Variants in CACNA2D1 observed in about 807,000 individuals in gnomAD.
The protein encoded by CACNA2D1 is voltage-dependent calcium channel subunit alpha-2/delta-1.
CACNA2D1 carries 53 observed loss-of-function variants against 171.5 expected under a neutral mutation model. The observed-to-expected ratio is 0.31, with a 90% CI of 0.25 to 0.39. The LOEUF is 0.39. Among genes scored for constraint, CACNA2D1 ranks in the 10% least tolerant of loss-of-function variants. CACNA2D1 has a pLI of 1.00. For synonymous variants in CACNA2D1, 442 were observed against 443.1 expected (o/e 1.00, Z 0.03); for missense variants, 903 against 1,299.8 (o/e 0.69, Z 4.69).
intron 1 of CACNA2D1, among the ~76,000 whole-genome samples, chr7:82,402,872 A>C (rs1375306328): frequency 8.5e-5 from 13 of 152,060 alleles, no homozygotes. Context: ...TGTGGAGAAC[A>C]GATCATTGGG....
chr7:82,144,018 G>A (rs1294711350), intron 4 of CACNA2D1, among the ~76,000 whole-genome samples: 3 of 151,998 alleles, frequency 2.0e-5, no homozygotes, highest in African/African-American at 7.2e-5. Context: ...CTTATCTGAT[G>A]ACACAAATTA....
At chr7:82,440,805 T>G (rs1464861760) in intron 1 of CACNA2D1, among the ~76,000 whole-genome samples, 1 of 151,816 alleles carries the variant, frequency 6.6e-6, no homozygotes, top group East Asian at 1.9e-4. Context: ...CACACAAATG[T>G]AAACACTCTA....
At chr7:82,308,983 T>C (rs1814078399) in intron 3 of CACNA2D1, among the ~76,000 whole-genome samples, 2 of 152,176 alleles carry the variant, frequency 1.3e-5, no homozygotes, top group African/African-American at 4.8e-5. Context: ...AGTTGGCAAA[T>C]GAGAATTTCA....
At chr7:82,411,536 A>T (rs1827660938) in intron 1 of CACNA2D1, among the ~76,000 whole-genome samples, 1 of 152,182 alleles carries the variant, frequency 6.6e-6, no homozygotes, top group African/African-American at 2.4e-5. Context: ...TGATGATTCA[A>T]AAGATAAAGA....
intron 3 of CACNA2D1, among the ~76,000 whole-genome samples, chr7:82,190,705 T>C (rs912146439): frequency 2.6e-5 from 4 of 151,580 alleles, no homozygotes. Flanking sequence ...TATCCTTAAA[T>C]CCATCACCAT....
intron 4 of CACNA2D1, among the ~76,000 whole-genome samples, chr7:82,137,054 T>C (rs1257828408): frequency 6.6e-6 from 1 of 152,346 alleles, no homozygotes; most frequent in East Asian, 1.9e-4. Flanking sequence ...GTTGAAGCCA[T>C]GATTTTTATA....
At chr7:82,365,401 T>C (rs191536255) in intron 1 of CACNA2D1, among the ~76,000 whole-genome samples, 1 of 152,256 alleles carries the variant, frequency 6.6e-6, no homozygotes, top group Non-Finnish European at 1.5e-5. Context: ...TTATTTTACA[T>C]GGAACTGTGA....
chr7:82,424,346 T>A (rs1487064627), intron 1 of CACNA2D1, among the ~76,000 whole-genome samples: 1 of 152,176 alleles, frequency 6.6e-6, no homozygotes, highest in African/African-American at 2.4e-5. Context: ...AAAAAGCACG[T>A]CATCGTTATT....
At chr7:82,387,556 T>C (rs925903606) in intron 1 of CACNA2D1, among the ~76,000 whole-genome samples, 1 of 152,116 alleles carries the variant, frequency 6.6e-6, no homozygotes, top group Non-Finnish European at 1.5e-5. Flanking sequence ...ATTTTATTTA[T>C]GAAGTTATAA....
intron 3 of CACNA2D1, among the ~76,000 whole-genome samples, chr7:82,211,455 C>A (rs1800542051): frequency 6.6e-6 from 1 of 152,142 alleles, no homozygotes; most frequent in African/African-American, 2.4e-5. Flanking sequence ...TGAGAACATG[C>A]AGCATTTGGT....
At position 81,978,143 on chromosome 7, in the gene CACNA2D1, T is replaced by C. The variant is rs191495762; in HGVS notation, c.1956-3591A>G. Among the ~76,000 whole-genome samples, 38 of 151,868 alleles carry C rather than the reference T, an allele frequency of 2.5e-4. 1 individual carries two copies. The highest frequency in any genetic ancestry group is 9.0e-4 in the African/African-American group (37 of 41,314). On this transcript the variant is annotated intron_variant, in intron 24 of 38. Coordinates refer to ENST00000356860, the MANE Select transcript of CACNA2D1 (RefSeq NM_000722.4). ...AATGCTTTTACACTGTTGGTGGGAGTGTAAATTGGTTCAACCATTGTGGAA... is the reference window on the plus strand; with the variant it reads ...AATGCTTTTACACTGTTGGTGGGAGCGTAAATTGGTTCAACCATTGTGGAA...
At chr7:82,258,906 C>A (rs979766056) in intron 3 of CACNA2D1, among the ~76,000 whole-genome samples, 5 of 147,248 alleles carry the variant, frequency 3.4e-5, no homozygotes, top group East Asian at 2.0e-4. Flanking sequence ...CAGCTCCCTG[C>A]AACCTCCGCC....
chr7:81,987,032 A>G (rs1476218378), intron 21 of CACNA2D1, among the ~76,000 whole-genome samples: 1 of 152,214 alleles, frequency 6.6e-6, no homozygotes, highest in Non-Finnish European at 1.5e-5. Context: ...AGCTTGGGTT[A>G]CATCTAATAT....
At chr7:82,438,864 C>A (rs996817583) in intron 1 of CACNA2D1, among the ~76,000 whole-genome samples, 55 of 152,174 alleles carry the variant, frequency 3.6e-4, no homozygotes, top group Non-Finnish European at 1.2e-4. Flanking sequence ...AATAATGGAC[C>A]GTTGTCATTT....
intron 1 of CACNA2D1, among the ~76,000 whole-genome samples, chr7:82,358,547 T>A (rs1820719125): frequency 6.6e-6 from 1 of 152,142 alleles, no homozygotes; most frequent in African/African-American, 2.4e-5. Flanking sequence ...AGTAATCCTG[T>A]AAGAAAGGCA....
intron 4 of CACNA2D1, among the ~76,000 whole-genome samples, chr7:82,167,187 AAAG>A (rs1309843916): frequency 6.6e-6 from 1 of 152,114 alleles, no homozygotes; most frequent in Non-Finnish European, 1.5e-5. Context: ...TTAAAAGATA[AAAG>A]AATTATAAAG....
intron 5 of CACNA2D1, among the ~76,000 whole-genome samples, chr7:82,125,322 C>A (rs914153018): frequency 1.3e-5 from 2 of 152,154 alleles, no homozygotes; most frequent in Non-Finnish European, 2.9e-5. Context: ...TTGTAATGAT[C>A]TGCTTTCTTT....
chr7:81,967,559 TTA>T (rs773503339), intron 30 of CACNA2D1, 35 bp downstream of exon 30: 63 of 1,118,848 alleles, frequency 5.6e-5, no homozygotes, highest in Non-Finnish European at 8.4e-5. Context: ...TTTGAAAACA[TTA>T]AACATAGCAT....
intron 3 of CACNA2D1, among the ~76,000 whole-genome samples, chr7:82,236,532 C>T (rs1299945108): frequency 6.6e-6 from 1 of 152,060 alleles, no homozygotes; most frequent in African/African-American, 2.4e-5. Flanking sequence ...AGTGCTATTT[C>T]TCTCTTTAGT....
Sources: allele counts gnomAD v4.1 joint callset (sites outside exome capture counted in the v4.1 genomes callset), GRCh38; gene constraint gnomAD v4.1.1; transcripts MANE v1.5; gene names NCBI Gene and HGNC (gene_info 2026-07-23, HGNC 2026-07-21).